Variants in CAAP1 observed in about 807,000 individuals in gnomAD.
CAAP1 encodes conserved anti-apoptotic protein.
A neutral mutation model predicts 34.0 loss-of-function variants in CAAP1; 20 were observed. The ratio of observed to expected loss-of-function variants is 0.59; its 90% confidence interval spans 0.41 to 0.86. CAAP1 has a LOEUF of 0.86. Among genes scored for constraint, CAAP1 ranks in the 40% least tolerant of loss-of-function variants. The probability of loss-of-function intolerance (pLI) is 0.00; values close to 1 mark genes in which losing one functional copy is unlikely to be tolerated. For missense variants in CAAP1, 538 were observed against 450.5 expected (o/e 1.19, Z -1.76); for synonymous variants, 213 against 166.7 (o/e 1.28, Z -2.14).
intron 4 of CAAP1, among the ~76,000 whole-genome samples, chr9:26,861,429 A>G (rs1424450402): frequency 1.3e-5 from 2 of 152,216 alleles, no homozygotes; most frequent in Non-Finnish European, 2.9e-5. Flanking sequence ...TCTGCAGGGT[A>G]GCTGATAGGA....
At position 26,842,350 on chromosome 9, in the gene CAAP1, C is replaced by G; in HGVS notation, c.1037G>C (p.Arg346Thr). The G allele has an allele frequency of 6.2e-7, 1 of 1,613,506 alleles. No individual in the cohort carries two copies. Among genetic ancestry groups the G allele is most frequent in the South Asian group, 1.1e-5 (1 of 90,882 alleles). The part of the protein sequence containing the change: ...LELLELEMRA[R>T]AIKALMKAGD... ...AGCTTTCATTAGGGCTTTAATCGCT[C>G]TTGCCCTCATCTCAAGTTCTAGCAG... Residue 346 changes from arginine to threonine, a missense_variant, in exon 6 of 6, where the codon AGA (arginine) becomes ACA (threonine). Transcript: ENST00000333916.
intron 4 of CAAP1, among the ~76,000 whole-genome samples, chr9:26,875,201 A>T (rs536797221): frequency 7.9e-5 from 12 of 152,322 alleles, no homozygotes; most frequent in African/African-American, 2.9e-4. Context: ...CCTAGGCAAC[A>T]TGGTGAAACC....
At chr9:26,859,130 T>C (rs1402498261) in intron 5 of CAAP1, among the ~76,000 whole-genome samples, 1 of 152,212 alleles carries the variant, frequency 6.6e-6, no homozygotes, top group Non-Finnish European at 1.5e-5. Context: ...CTCTGCTTGA[T>C]GCCATCAGTG....
intron 5 of CAAP1, among the ~76,000 whole-genome samples, chr9:26,855,978 T>G (rs1822860820): frequency 6.6e-6 from 1 of 152,146 alleles, no homozygotes; most frequent in Non-Finnish European, 1.5e-5. Flanking sequence ...AATAAACATT[T>G]CTCTCAAAAT....
intron 4 of CAAP1, among the ~76,000 whole-genome samples, chr9:26,863,958 A>AT (rs1448756223): frequency 6.6e-6 from 1 of 151,880 alleles, no homozygotes; most frequent in Non-Finnish European, 1.5e-5. Context: ...TGCCCGGCTA[A>AT]TTTTTTTAAG....
intron 4 of CAAP1, among the ~76,000 whole-genome samples, chr9:26,865,524 CAAA>C (rs200010318): frequency 7.5e-6 from 1 of 134,188 alleles, no homozygotes; most frequent in African/African-American, 2.7e-5. Context: ...AACTATGTCT[CAAA>C]AAAAAAAAAA....
intron 2 of CAAP1, 43 bp downstream of exon 2, chr9:26,887,270 T>C: frequency 8.0e-7 from 1 of 1,253,346 alleles, no homozygotes; most frequent in Non-Finnish European, 1.1e-6. Context: ...CAAAGAAGGC[T>C]GTATTTCTAC....
rs143532851 is a variant in CAAP1, at chr9:26,843,663, G to A, written c.740-1016C>T. Among the ~76,000 whole-genome samples, 15 of 151,772 alleles carry A rather than the reference G, an allele frequency of 9.9e-5. No homozygotes were observed. The East Asian group carries it at 2.7e-3, about 27-fold the overall frequency. On this transcript the variant is annotated intron_variant, in intron 5 of 5. Coordinates refer to ENST00000333916, the MANE Select transcript of CAAP1 (RefSeq NM_024828.4). Reference sequence around the variant, plus strand: ...CCTAATATAAGAAAGCTTTGATAGCGCTTTCCTTACAGTAGGGAAAGCTTC... The same window carrying A: ...CCTAATATAAGAAAGCTTTGATAGCACTTTCCTTACAGTAGGGAAAGCTTC...
At chr9:26,856,627 A>T (rs1280551172) in intron 5 of CAAP1, among the ~76,000 whole-genome samples, 1 of 152,196 alleles carries the variant, frequency 6.6e-6, no homozygotes, top group Non-Finnish European at 1.5e-5. Context: ...CCTGTGTCCA[A>T]ACACCTTCAG....
chr9:26,864,791 T>C (rs1432520251), intron 4 of CAAP1, among the ~76,000 whole-genome samples: 1 of 152,242 alleles, frequency 6.6e-6, no homozygotes, highest in Non-Finnish European at 1.5e-5. Flanking sequence ...TATGGACATT[T>C]AAAGGTGCAA....
chr9:26,886,769 A>T (rs1041792450), intron 2 of CAAP1, among the ~76,000 whole-genome samples: 3 of 152,244 alleles, frequency 2.0e-5, no homozygotes, highest in South Asian at 4.1e-4. Flanking sequence ...CATTTAACAG[A>T]ATTATCTCCA....
rs778613426 is a variant in CAAP1 at position 26,892,766 on chromosome 9, C to T, written c.-51G>A. 1 of 1,503,126 alleles carries T rather than the reference C, an allele frequency of 6.7e-7. No homozygotes were observed. The highest frequency in any genetic ancestry group is 8.9e-7 in the Non-Finnish European group (1 of 1,126,834). The allele number at this position is 1,503,126 out of a possible 1,614,324, so 93.1% of individuals were successfully genotyped here. On this transcript the variant is annotated 5_prime_UTR_variant, in exon 1 of 6. Transcript: ENST00000333916. ...GAAAGTCCGCTGTCTCTGGTGCGAC[C>T]GAAGCCCGACTCCTGCGGCCGTGGG... is the stretch of plus-strand genomic sequence containing the variant.
At chr9:26,849,600 C>T (rs1770222576) in intron 5 of CAAP1, among the ~76,000 whole-genome samples, 1 of 151,544 alleles carries the variant, frequency 6.6e-6, no homozygotes, top group African/African-American at 2.4e-5. Context: ...TATTTTACCT[C>T]AGGCCCAACT....
chr9:26,856,625 C>A (rs1431617644), intron 5 of CAAP1, among the ~76,000 whole-genome samples: 1 of 152,138 alleles, frequency 6.6e-6, no homozygotes, highest in Non-Finnish European at 1.5e-5. Context: ...GGCCTGTGTC[C>A]AAACACCTTC....
At chr9:26,880,924 C>T (rs1823578994) in intron 4 of CAAP1, among the ~76,000 whole-genome samples, 1 of 152,008 alleles carries the variant, frequency 6.6e-6, no homozygotes, top group Non-Finnish European at 1.5e-5. Flanking sequence ...GATCCAACCA[C>T]CTTAGTCTTC....
At chr9:26,885,364 C>T (rs962102023) in intron 3 of CAAP1, among the ~76,000 whole-genome samples, 8 of 152,190 alleles carry the variant, frequency 5.3e-5, no homozygotes, top group South Asian at 2.1e-4. Flanking sequence ...CGTGAGCCAT[C>T]GCGCCCGGCC....
At chr9:26,867,739 A>G (rs1823171711) in intron 4 of CAAP1, among the ~76,000 whole-genome samples, 3 of 152,216 alleles carry the variant, frequency 2.0e-5, no homozygotes, top group South Asian at 4.1e-4. Flanking sequence ...AACTGCTGCT[A>G]GATCTTATTA....
chr9:26,871,356 C>A (rs1025627381), intron 4 of CAAP1, among the ~76,000 whole-genome samples: 1 of 151,978 alleles, frequency 6.6e-6, no homozygotes, highest in Non-Finnish European at 1.5e-5. Flanking sequence ...GGAGGGCAGA[C>A]CACCTGAGTT....
At chr9:26,890,907 T>C (rs1349665764) in intron 1 of CAAP1, among the ~76,000 whole-genome samples, 1 of 151,962 alleles carries the variant, frequency 6.6e-6, no homozygotes, top group Non-Finnish European at 1.5e-5. Flanking sequence ...ATCACGCCAC[T>C]GCACTCCGGC....
Sources: allele counts gnomAD v4.1 joint callset (sites outside exome capture counted in the v4.1 genomes callset), GRCh38; gene constraint gnomAD v4.1.1; transcripts MANE v1.5; gene names NCBI Gene and HGNC (gene_info 2026-07-23, HGNC 2026-07-21).